The following HDHD2 variants were observed in gnomAD, a reference collection of about 807,000 sequenced individuals.
HDHD2 encodes the protein haloacid dehalogenase like hydrolase domain containing 2.
HDHD2 carries 26 observed loss-of-function variants against 24.8 expected under a neutral mutation model. The ratio of observed to expected loss-of-function variants is 1.05; its 90% CI spans 0.77 to 1.45. The LOEUF is 1.45. Among genes scored for constraint, HDHD2 ranks in the 40% most tolerant of loss-of-function variants. HDHD2 has a pLI of 0.00. For missense variants in HDHD2, 299 were observed against 313.4 expected (o/e 0.95, Z 0.35); for synonymous variants, 128 against 114.9 (o/e 1.11, Z -0.73).
chr18:47,139,464 C>CAA lies in HDHD2; in HGVS notation c.-10-3017_-10-3016dup, dbSNP rs760347919. Among the ~76,000 whole-genome samples the CAA allele has an allele frequency of 5.3e-3, 267 of 50,464 alleles. 8 individuals carry two copies. Among genetic ancestry groups the CAA allele is most frequent in the African/African-American group, 0.012 (155 of 13,250 alleles). 33.1% of individuals were successfully genotyped at this position (50,464 alleles called of 152,430 possible). A position where few individuals can be genotyped will look rare whatever the true frequency, so the allele number is the denominator to read the frequency against. On this transcript the variant is annotated intron_variant, in intron 1 of 6. Coordinates refer to ENST00000300605, the MANE Select transcript of HDHD2 (RefSeq NM_032124.5). ...TGGGTGACAGAGCGAGACTCTGTCT[C>CAA]AAAAAAAAAAAAAAAAAAAAAAAAA...
At position 47,107,834 on chromosome 18, in the gene HDHD2, TG is replaced by T. The variant is rs2063486530; in HGVS notation, c.*847del. 6.6e-6 allele frequency: 1 copy of T among 152,648 alleles called. No homozygotes were observed. The highest frequency in any genetic ancestry group is 2.4e-5 in the African/African-American group (1 of 41,462). 9.5% of individuals were successfully genotyped at this position (152,648 alleles called of 1,614,324 possible). On this transcript the variant is annotated 3_prime_UTR_variant, in exon 7 of 7. Coordinates refer to ENST00000300605, the MANE Select transcript of HDHD2 (RefSeq NM_032124.5). Reference sequence around the variant, plus strand: ...AAATGTACAGTTAATAGGACCCTAGTGGACACTAACTTCAAAAATGCATGGT... The same window carrying T: ...AAATGTACAGTTAATAGGACCCTAGTGACACTAACTTCAAAAATGCATGGT...
At chr18:47,128,707 G>T (rs932582660) in intron 4 of HDHD2, among the ~76,000 whole-genome samples, 1 of 152,186 alleles carries the variant, frequency 6.6e-6, no homozygotes, top group Non-Finnish European at 1.5e-5. Context: ...AAATAAAAGT[G>T]CATTAAGTAG....
intron 6 of HDHD2, chr18:47,111,548 A>C (rs1390898637): frequency 1.0e-6 from 1 of 985,256 alleles, no homozygotes; most frequent in African/African-American, 1.7e-5. Flanking sequence ...ACTTCATTTC[A>C]TTCTTCCTCT....
intron 2 of HDHD2, 115 bp downstream of exon 2, chr18:47,136,224 T>G (rs1329848978): frequency 1.5e-6 from 2 of 1,292,094 alleles, no homozygotes; most frequent in Admixed American, 2.4e-5. Context: ...GCAGTTCCTA[T>G]ATATGGTTAA....
At chr18:47,142,944 T>TCTTAAATGAAACAGAATTTACCTCC in intron 1 of HDHD2, among the ~76,000 whole-genome samples, 1 of 152,230 alleles carries the variant, frequency 6.6e-6, no homozygotes, top group South Asian at 2.1e-4. Context: ...GACAAACTAC[T>TCTTAAATGAAACAGAATTTACCTCC]CTTAAATGAA....
intron 1 of HDHD2, among the ~76,000 whole-genome samples, chr18:47,143,907 C>T (rs1170606369): frequency 1.3e-5 from 2 of 152,144 alleles, no homozygotes; most frequent in South Asian, 2.1e-4. Context: ...TCGTTTCCTA[C>T]CCTGACTACT....
intron 2 of HDHD2, 75 bp from the exon 3 acceptor site, chr18:47,134,779 A>C (rs1189855749): frequency 8.4e-7 from 1 of 1,196,822 alleles, no homozygotes; most frequent in Admixed American, 2.0e-5. Flanking sequence ...AATTTGTTAA[A>C]ACTGTGCCAA....
At chr18:47,118,564 C>A (rs918143847) in intron 4 of HDHD2, among the ~76,000 whole-genome samples, 1 of 152,110 alleles carries the variant, frequency 6.6e-6, no homozygotes, top group African/African-American at 2.4e-5. Flanking sequence ...GAGAACAACA[C>A]AGACTCCGGC....
chr18:47,135,258 C>CTTTTTTTT (rs904719955), intron 2 of HDHD2, among the ~76,000 whole-genome samples: 1 of 128,362 alleles, frequency 7.8e-6, no homozygotes. Flanking sequence ...TAGATTTTTT[C>CTTTTTTTT]TTTTTTTTTT....
At chr18:47,134,734 G>C in intron 2 of HDHD2, 30 bp from the exon 3 acceptor site, 5 of 1,576,240 alleles carry the variant, frequency 3.2e-6, no homozygotes, top group Non-Finnish European at 4.4e-6. Flanking sequence ...GAAGTCAAAA[G>C]GCAGCTTTTA....
Position 47,136,275 on chromosome 18 carries a change from G to A in HDHD2, c.101+64C>T, listed in dbSNP as rs771625882. ...TCTTAAGGCCATCCATTTAGCTAATGATCTGCCGTGGTAAAATGGCACTTA... is the reference window on the plus strand; with the variant it reads ...TCTTAAGGCCATCCATTTAGCTAATAATCTGCCGTGGTAAAATGGCACTTA... On this transcript the variant is annotated intron_variant, in intron 2 of 6. Coordinates refer to ENST00000300605, the MANE Select transcript of HDHD2 (RefSeq NM_032124.5). The A allele has an allele frequency of 2.5e-6, 4 of 1,596,738 alleles. No individual in the cohort carries two copies. The East Asian group carries it at 9.0e-5, about 36-fold the overall frequency.
chr18:47,125,578 C>A (rs1289936041), intron 4 of HDHD2, among the ~76,000 whole-genome samples: 2 of 151,982 alleles, frequency 1.3e-5, no homozygotes, highest in African/African-American at 4.8e-5. Flanking sequence ...AACAAAGAAG[C>A]AAAATAAAAA....
chr18:47,115,399 A>G (rs753428291), intron 4 of HDHD2, 51 bp from the exon 5 acceptor site: 21 of 1,345,192 alleles, frequency 1.6e-5, no homozygotes, highest in African/African-American at 4.3e-5. Flanking sequence ...CAAGGCTTTT[A>G]TGACTGGGAA....
At position 47,115,242 on chromosome 18, in the gene HDHD2, A is replaced by G. The variant is rs1393699347; in HGVS notation, c.502T>C (p.Tyr168His). The G allele has an allele frequency of 6.2e-7, 1 of 1,613,942 alleles. No individual in the cohort carries two copies. Among genetic ancestry groups the G allele is most frequent in the Non-Finnish European group, 8.5e-7 (1 of 1,179,906 alleles). Residue 168 changes from tyrosine to histidine, a missense_variant, in exon 5 of 7, where the codon TAT becomes CAT. Coordinates refer to ENST00000300605, the MANE Select transcript of HDHD2 (RefSeq NM_032124.5). ...ACTGTGGCTTTGGTATCTGTGGCAT[A>G]CTCTAAAGCAGTCACAAATGGTCCA... ...GPGPFVTALE[Y>H]ATDTKATVVG...
chr18:47,121,353 T>C (rs2063605416), intron 4 of HDHD2, among the ~76,000 whole-genome samples: 1 of 152,130 alleles, frequency 6.6e-6, no homozygotes, highest in Admixed American at 6.5e-5. Context: ...CTGTAATTTC[T>C]CCAGTTACTC....
In HDHD2 at chr18:47,115,341, G is replaced by A; in HGVS notation, c.403C>T (p.Leu135=). ...ATTGCTATCAGAGGTGCTCCATCCA[G>A]GAGTAACCTAGAGAGAACAACAACA... ...QILNQAFRLL[L]DGAPLIAIHK... Residue 135 remains leucine, a synonymous_variant, in exon 5 of 7, where the codon CTG becomes TTG. Transcript: ENST00000300605. The A allele has an allele frequency of 1.2e-6, 2 of 1,612,984 alleles. No individual in the cohort carries two copies. The highest frequency in any genetic ancestry group is 1.7e-6 in the Non-Finnish European group (2 of 1,179,238).
At chr18:47,139,906 T>C (rs1350221148) in intron 1 of HDHD2, among the ~76,000 whole-genome samples, 5 of 152,212 alleles carry the variant, frequency 3.3e-5, no homozygotes, top group African/African-American at 1.2e-4. Context: ...GTAATAGTTA[T>C]ACAAAATGAA....
At chr18:47,128,995 G>C (rs11875258) in intron 4 of HDHD2, among the ~76,000 whole-genome samples, 1 of 151,556 alleles carries the variant, frequency 6.6e-6, no homozygotes, top group Admixed American at 6.6e-5. Context: ...AGAAAATTCT[G>C]GTTTGTTTTT....
At chr18:47,119,158 C>T (rs1027066937) in intron 4 of HDHD2, among the ~76,000 whole-genome samples, 6 of 152,144 alleles carry the variant, frequency 3.9e-5, no homozygotes, top group East Asian at 1.9e-4. Context: ...TGGCTGCTGA[C>T]GGATCAGGGT....
Sources: gnomAD v4.1 joint callset for allele counts (sites outside exome capture counted in the v4.1 genomes callset) on GRCh38, gnomAD v4.1.1 for gene constraint, MANE v1.5 for transcripts, NCBI Gene and HGNC (gene_info 2026-07-23, HGNC 2026-07-21) for gene names.